The following DOCK2 variants were observed in gnomAD, a reference collection of about 807,000 sequenced individuals.
DOCK2 encodes the protein dedicator of cytokinesis protein 2.
DOCK2 carries 87 observed loss-of-function variants against 248.9 expected under a neutral mutation model. That is an observed-to-expected ratio of 0.35 (90% CI 0.29 to 0.42). DOCK2 has a LOEUF of 0.42. Ranked by LOEUF, DOCK2 falls within the 10% of genes least tolerant of loss-of-function variation. The pLI is 1.00. For missense variants in DOCK2, 1,747 were observed against 2,300.2 expected (o/e 0.76, Z 4.92); for synonymous variants, 805 against 821.6 (o/e 0.98, Z 0.35).
At chr5:169,669,382 C>T (rs1444786407) in intron 3 of DOCK2, 54 bp downstream of exon 3, 12 of 1,591,330 alleles carry the variant, frequency 7.5e-6, no homozygotes, top group Middle Eastern at 1.7e-4. Flanking sequence ...CATATGGCCC[C>T]GCTATCCCAT....
chr5:169,720,246 T>C (rs1169961570), intron 22 of DOCK2, among the ~76,000 whole-genome samples: 1 of 152,098 alleles, frequency 6.6e-6, no homozygotes, highest in Non-Finnish European at 1.5e-5. Context: ...AATCTAAGAG[T>C]GATTTTCTTG....
intron 30 of DOCK2, among the ~76,000 whole-genome samples, chr5:170,001,354 A>G (rs570663388): frequency 6.6e-6 from 1 of 152,300 alleles, no homozygotes; most frequent in Admixed American, 6.5e-5. Context: ...TATAAAGACT[A>G]TAGTCTTTAT....
intron 19 of DOCK2, among the ~76,000 whole-genome samples, chr5:169,715,848 T>G (rs1182042843): frequency 6.6e-6 from 1 of 152,202 alleles, no homozygotes; most frequent in East Asian, 1.9e-4. Flanking sequence ...TTTTGCCTAC[T>G]CTCAAATTTC....
At chr5:170,047,049 T>C (rs921141024) in intron 39 of DOCK2, among the ~76,000 whole-genome samples, 2 of 152,188 alleles carry the variant, frequency 1.3e-5, no homozygotes, top group Admixed American at 6.5e-5. Flanking sequence ...CCTCTTAGAA[T>C]AGATGAAATG....
chr5:169,774,139 G>A (rs1765249516), intron 25 of DOCK2, among the ~76,000 whole-genome samples: 1 of 152,094 alleles, frequency 6.6e-6, no homozygotes, highest in Non-Finnish European at 1.5e-5. Flanking sequence ...CAACATCTTA[G>A]AATAGAAGGA....
intron 22 of DOCK2, among the ~76,000 whole-genome samples, chr5:169,721,910 T>C (rs1465911031): frequency 6.6e-6 from 1 of 152,180 alleles, no homozygotes; most frequent in East Asian, 1.9e-4. Flanking sequence ...AGCTCCTGAG[T>C]CAAAGTCTGG....
At chr5:169,898,383 G>A (rs1773731200) in intron 27 of DOCK2, among the ~76,000 whole-genome samples, 1 of 152,186 alleles carries the variant, frequency 6.6e-6, no homozygotes, top group Admixed American at 6.5e-5. Context: ...AGGTTCTAGA[G>A]CCAGGCTGCC....
chr5:170,013,466 T>C (rs369591168), intron 32 of DOCK2, among the ~76,000 whole-genome samples: 1 of 152,086 alleles, frequency 6.6e-6, no homozygotes, highest in African/African-American at 2.4e-5. Flanking sequence ...AGCATCCTTA[T>C]AGGTGAAAAA....
intron 27 of DOCK2, among the ~76,000 whole-genome samples, chr5:169,930,579 TA>T (rs1775703589): frequency 6.6e-6 from 1 of 152,212 alleles, no homozygotes; most frequent in Admixed American, 6.5e-5. Context: ...GAAAGTCCTT[TA>T]AAAATGAATG....
chr5:169,838,485 A>T (rs569918809), intron 26 of DOCK2, among the ~76,000 whole-genome samples: 2 of 152,330 alleles, frequency 1.3e-5, no homozygotes, highest in South Asian at 4.1e-4. Flanking sequence ...TGCTATAACC[A>T]TGAACATCAT....
chr5:169,758,742 C>G (rs545746477), intron 23 of DOCK2, among the ~76,000 whole-genome samples: 1 of 152,168 alleles, frequency 6.6e-6, no homozygotes, highest in Non-Finnish European at 1.5e-5. Context: ...TATTAGCAGT[C>G]TTTGGTACAG....
chr5:169,844,027 T>C (rs889834225), intron 27 of DOCK2, among the ~76,000 whole-genome samples: 3 of 152,298 alleles, frequency 2.0e-5, no homozygotes, highest in Non-Finnish European at 4.4e-5. Context: ...CACAAACAAG[T>C]GTTGTATGAA....
At chr5:169,911,845 A>AG (rs1475159015) in intron 27 of DOCK2, among the ~76,000 whole-genome samples, 1 of 152,216 alleles carries the variant, frequency 6.6e-6, no homozygotes, top group Non-Finnish European at 1.5e-5. Context: ...AAATAAAGGG[A>AG]GGGAAGTGTT....
rs183087758 is a variant in DOCK2, at chr5:169,855,686, A to G, written c.2799+14834A>G. On this transcript the variant is annotated intron_variant, in intron 27 of 51. Transcript: ENST00000520908. ...TACATGGAAGAGACCAAGGATCCCA[A>G]TGGTGAAGTCTTTCAATTAAACTAA... is the stretch of plus-strand genomic sequence containing the variant. Among the ~76,000 whole-genome samples, 11 of 152,338 alleles carry G rather than the reference A, an allele frequency of 7.2e-5. No individual in the cohort carries two copies. The South Asian group carries it at 1.2e-3, about 17-fold the overall frequency.
At chr5:169,651,980 T>A (rs1757832535) in intron 1 of DOCK2, among the ~76,000 whole-genome samples, 1 of 152,168 alleles carries the variant, frequency 6.6e-6, no homozygotes, top group African/African-American at 2.4e-5. Context: ...AAAAGAAAAG[T>A]GACTACATTT....
intron 27 of DOCK2, among the ~76,000 whole-genome samples, chr5:169,859,609 C>T (rs1475668853): frequency 6.6e-6 from 1 of 152,242 alleles, no homozygotes; most frequent in Admixed American, 6.5e-5. Flanking sequence ...GGATTCAGCT[C>T]AGCTAATGAA....
intron 1 of DOCK2, among the ~76,000 whole-genome samples, chr5:169,653,914 G>A (rs1025184178): frequency 5.9e-5 from 9 of 152,130 alleles, no homozygotes; most frequent in African/African-American, 1.9e-4. Context: ...GCCTGAGCTG[G>A]GACTCAACCC....
intron 27 of DOCK2, among the ~76,000 whole-genome samples, chr5:169,891,390 G>A (rs261070): frequency 0.19 from 28,950 of 152,096 alleles, 4,376 homozygotes; most frequent in African/African-American, 0.42. Context: ...ATAGTTAGAG[G>A]CTTCAAGGAA....
chr5:169,980,863 G>A (rs1581501729), intron 27 of DOCK2: 1 of 152,328 alleles, frequency 6.6e-6, no homozygotes, highest in Non-Finnish European at 1.5e-5. Context: ...CTGCCACCCA[G>A]TGTAGAGGCT....
Sources: allele counts gnomAD v4.1 joint callset (sites outside exome capture counted in the v4.1 genomes callset), GRCh38; gene constraint gnomAD v4.1.1; transcripts MANE v1.5; gene names NCBI Gene and HGNC (gene_info 2026-07-23, HGNC 2026-07-21).